The following SLC44A4 variants were observed in gnomAD, a reference collection of about 807,000 sequenced individuals.
SLC44A4 encodes the protein choline transporter-like protein 4.
A neutral mutation model predicts 97.0 loss-of-function variants in SLC44A4; 74 were observed. The ratio of observed to expected loss-of-function variants is 0.76; its 90% CI spans 0.63 to 0.93. SLC44A4 has a LOEUF of 0.93. Among genes scored for constraint, SLC44A4 ranks in the 40% least tolerant of loss-of-function variants. SLC44A4 has a pLI of 0.00. For missense variants in SLC44A4, 799 were observed against 902.9 expected, an observed-to-expected ratio of 0.88 and a Z score of 1.48; for synonymous variants, 325 against 363.8, an observed-to-expected ratio of 0.89 and a Z score of 1.21.
chr6:31,863,658 G>T lies in SLC44A4; in HGVS notation c.2102C>A (p.Ala701Glu), dbSNP rs372080726. Residue 701 changes from alanine to glutamate, a missense_variant, in exon 21 of 21, where the codon GCG becomes GAG. Physicochemically the swap from Ala to Glu is moderately radical, Grantham distance 107 (BLOSUM62 -1). This residue lies in a region of SLC44A4 where 379 missense variants were observed against 438.3 expected (regional missense o/e 0.86). Transcript: ENST00000229729. ...LLKILGKKNEAPPDNKKRKK is the reference protein window; with the variant it reads ...LLKILGKKNEEPPDNKKRKK Reference sequence around the variant, plus strand: ...CTTCCTCTTCTTGTTGTCCGGGGGCGCCTCGTTCTTCTTGCCCAGAATCTT... The same window carrying T: ...CTTCCTCTTCTTGTTGTCCGGGGGCTCCTCGTTCTTCTTGCCCAGAATCTT... The T allele has an allele frequency of 7.4e-6, 12 of 1,611,858 alleles. No individual in the cohort carries two copies. The highest frequency in any genetic ancestry group is 1.3e-5 in the African/African-American group (1 of 74,768).
At chr6:31,875,826 A>G in intron 4 of SLC44A4, 26 bp downstream of exon 4, 1 of 1,584,038 alleles carries the variant, frequency 6.3e-7, no homozygotes, top group Non-Finnish European at 8.6e-7. Context: ...TCGCTCCTGC[A>G]CTCCTCTTCT....
At chr6:31,869,997 AG>A (rs1418004347) in intron 11 of SLC44A4, among the ~76,000 whole-genome samples, 10 of 141,100 alleles carry the variant, frequency 7.1e-5, no homozygotes, top group Non-Finnish European at 1.1e-4. Context: ...AAAAAAAAAA[AG>A]GGGGGGGCTG....
chr6:31,869,702 C>A (rs2151560681), intron 11 of SLC44A4, 65 bp from the exon 12 acceptor site: 1 of 1,371,636 alleles, frequency 7.3e-7, no homozygotes, highest in South Asian at 1.2e-5. Context: ...GGGGCTGACC[C>A]CGGCCGGGCG....
In SLC44A4 at chr6:31,872,884, A is replaced by G. The variant is rs180810845; in HGVS notation, c.530-1323T>C. Among the ~76,000 whole-genome samples, 477 of 135,296 alleles carry G rather than the reference A, an allele frequency of 3.5e-3. 3 individuals are homozygous for G. The highest frequency in any genetic ancestry group is 0.012 in the African/African-American group (425 of 34,894). The allele number at this position is 135,296 out of a possible 152,430, so 88.8% of individuals were successfully genotyped here. On this transcript the variant is annotated intron_variant, in intron 7 of 20. Transcript: ENST00000229729. The stretch of plus-strand genomic sequence containing the variant: ...TCTCATCTTATGCTATAAATTGTCT[A>G]ATTTTTTTTTTTTGAGATGGAGTCT...
rs182997584 is a variant in SLC44A4, at chr6:31,875,999, C to T, written c.163+57G>A. ...AGTGGGGCAGTTATGGGAATGGTCCCTCCCTGGGTTCCTGTCCCTCACCCA... is the reference window on the plus strand; with the variant it reads ...AGTGGGGCAGTTATGGGAATGGTCCTTCCCTGGGTTCCTGTCCCTCACCCA... On this transcript the variant is annotated intron_variant, in intron 3 of 20. Transcript: ENST00000229729. 693 of 1,612,296 alleles carry T rather than the reference C, an allele frequency of 4.3e-4. 5 individuals are homozygous for T. In the East Asian group the frequency reaches 0.014, roughly 34 times the overall value.
Position 31,865,304 on chromosome 6 carries a change from A to C in SLC44A4, c.1760+11T>G. The C allele has an allele frequency of 1.2e-6, 2 of 1,613,084 alleles. No homozygotes were observed. The highest frequency in any genetic ancestry group is 1.7e-6 in the Non-Finnish European group (2 of 1,179,744). On this transcript the variant is annotated intron_variant, in intron 17 of 20. Coordinates refer to ENST00000229729, the MANE Select transcript of SLC44A4 (RefSeq NM_025257.3). This position sits in a 1 kb window ranked among gnomAD's most constrained non-coding sequence, Gnocchi z 5.2. ...GGAGGGAGCCACAAAGCGGGGGGGG[A>C]GCAGCCTAACCTGACAATGTTTCGC...
Position 31,864,873 on chromosome 6 carries a change from C to T in SLC44A4, c.1869G>A (p.Pro623=), listed in dbSNP as rs766153672. Residue 623 remains proline (P), a synonymous_variant, in exon 19 of 21, where the codon CCG becomes CCA. Coordinates refer to ENST00000229729, the MANE Select transcript of SLC44A4 (RefSeq NM_025257.3). ...GGCTCTTAAAGTCTTTACCCAGCCC[C>T]GGGATGCGACCGGAGAAAAAAAAGA... is the stretch of plus-strand genomic sequence containing the variant. ...LSFFFFSGRI[P]GLGKDFKSPH... The T allele has an allele frequency of 8.1e-6, 13 of 1,613,894 alleles. No individual in the cohort carries two copies. The highest frequency in any genetic ancestry group is 2.2e-5 in the South Asian group (2 of 91,074).
intron 9 of SLC44A4, 37 bp downstream of exon 9, chr6:31,871,277 G>C: frequency 6.3e-7 from 1 of 1,585,722 alleles, no homozygotes; most frequent in South Asian, 1.1e-5. Flanking sequence ...GGAGGAAGAA[G>C]GCAAGGACAC....
At chr6:31,872,538 T>C (rs2151565737) in intron 7 of SLC44A4, among the ~76,000 whole-genome samples, 1 of 152,266 alleles carries the variant, frequency 6.6e-6, no homozygotes, top group African/African-American at 2.4e-5. Context: ...ACCTAGCTTA[T>C]TTATTTTTTA....
At chr6:31,867,768 G>A (rs1285308542) in intron 13 of SLC44A4, among the ~76,000 whole-genome samples, 1 of 151,052 alleles carries the variant, frequency 6.6e-6, no homozygotes, top group African/African-American at 2.4e-5. Context: ...CATCATTTTG[G>A]GCTTTGTATA....
At position 31,865,927 on chromosome 6, in the gene SLC44A4, T is replaced by C; in HGVS notation, c.1433A>G (p.Lys478Arg). The C allele has an allele frequency of 6.2e-7, 1 of 1,614,148 alleles. No individual in the cohort carries two copies. Among genetic ancestry groups the C allele is most frequent in the Non-Finnish European group, 8.5e-7 (1 of 1,180,008 alleles). ...GGGGAAGGTAGGGATGTCCTGGGGC[T>C]TGTGGAAGGCCCAGTAGAAGGAGGC... is the stretch of plus-strand genomic sequence containing the variant. ...AFASFYWAFH[K>R]PQDIPTFPLI... is the part of the protein sequence containing the mutation. Residue 478 changes from lysine (K) to arginine (R), a missense_variant, in exon 14 of 21, where the codon AAG becomes AGG. Lys to Arg is a conservative substitution (Grantham distance 26). Transcript: ENST00000229729. The surrounding 1 kb of genome is among the most constrained non-coding windows in gnomAD (Gnocchi z 5.2).
In SLC44A4 at chr6:31,865,998, A is replaced by G. The variant is rs373670000; in HGVS notation, c.1362T>C (p.Leu454=). The G allele has an allele frequency of 1.5e-5, 24 of 1,614,206 alleles. No homozygotes were observed. In the African/African-American group the frequency reaches 3.2e-4, roughly 22 times the overall value. The change falls in exon 14 of 21, where the codon CTT becomes CTC. Residue 454 remains leucine, a synonymous_variant. Coordinates refer to ENST00000229729, the MANE Select transcript of SLC44A4 (RefSeq NM_025257.3). This position sits in a 1 kb window ranked among gnomAD's most constrained non-coding sequence, Gnocchi z 5.2. ...IYGVLGLFWT[L]NWVLALGQCV... ...ATTGGCCCAGGGCCAGTACCCAGTTAAGGGTCCAGAAGAGCCCCAGGACCC... is the reference window on the plus strand; with the variant it reads ...ATTGGCCCAGGGCCAGTACCCAGTTGAGGGTCCAGAAGAGCCCCAGGACCC...
At chr6:31,869,878 C>T (rs551433157) in intron 11 of SLC44A4, among the ~76,000 whole-genome samples, 32 of 151,822 alleles carry the variant, frequency 2.1e-4, no homozygotes, top group Non-Finnish European at 3.1e-4. Flanking sequence ...CCAGCTACTC[C>T]GGAGGCTGAG....
In SLC44A4 at chr6:31,876,216, T is replaced by A; in HGVS notation, c.90-87A>T. ...CTGGAGGGGTTAAGGGTTAGAGAGT[T>A]GGGTGATGCTGCAGCATGGGCATCA... is the stretch of plus-strand genomic sequence containing the variant. On this transcript the variant is annotated intron_variant, in intron 2 of 20. Transcript: ENST00000229729. The surrounding 1 kb of genome is among the most constrained non-coding windows in gnomAD (Gnocchi z 4.8). 1 of 977,684 alleles carries A rather than the reference T, an allele frequency of 1.0e-6. No individual in the cohort carries two copies. The highest frequency in any genetic ancestry group is 2.6e-5 in the Admixed American group (1 of 38,344). The allele number at this position is 977,684 out of a possible 1,614,324, so 60.6% of individuals were successfully genotyped here.
intron 4 of SLC44A4, 113 bp downstream of exon 4, chr6:31,875,739 A>C (rs1763404025): frequency 1.1e-6 from 1 of 936,246 alleles, no homozygotes; most frequent in Non-Finnish European, 1.6e-6. Flanking sequence ...TGGGGACAGC[A>C]GGGAAAGGCT....
At chr6:31,872,022 TACTGTGCCTC>T (rs1330398103) in intron 7 of SLC44A4, among the ~76,000 whole-genome samples, 1 of 152,108 alleles carries the variant, frequency 6.6e-6, no homozygotes, top group East Asian at 1.9e-4. Context: ...CCTTTGCTCT[TACTGTGCCTC>T]TCTCTCAGGG....
At position 31,865,886 on chromosome 6, in the gene SLC44A4, T is replaced by G; in HGVS notation, c.1474A>C (p.Ile492Leu). 6.2e-7 allele frequency: 1 copy of G among 1,614,104 alleles called. No homozygotes were observed. The highest frequency in any genetic ancestry group is 1.7e-5 in the Admixed American group (1 of 60,022). The change falls in exon 14 of 21, where the codon ATC (isoleucine) becomes CTC (leucine). Residue 492 changes from isoleucine to leucine, a missense_variant. By Grantham distance (5) the Ile-to-Leu change is conservative. Transcript: ENST00000229729. The surrounding 1 kb of genome is among the most constrained non-coding windows in gnomAD (Gnocchi z 5.2). ...IPTFPLISAF[I>L]RTLRYHTGSL... is the part of the protein sequence containing the mutation. ...CCCCATCCTTACCGGAGTGTGCGGA[T>G]GAAGGCAGAGATTAAGGGGAAGGTA...
At chr6:31,875,818 G>T in intron 4 of SLC44A4, 34 bp downstream of exon 4, 1 of 1,563,754 alleles carries the variant, frequency 6.4e-7, no homozygotes, top group Non-Finnish European at 8.7e-7. Context: ...ACCTCGCCTC[G>T]CTCCTGCACT....
At position 31,874,248 on chromosome 6, in the gene SLC44A4, G is replaced by T. The variant is rs1404291825; in HGVS notation, c.529+212C>A. On this transcript the variant is annotated intron_variant, in intron 7 of 20. Coordinates refer to ENST00000229729, the MANE Select transcript of SLC44A4 (RefSeq NM_025257.3). This position sits in a 1 kb window ranked among gnomAD's most constrained non-coding sequence, Gnocchi z 4.8. ...GGGAGCAGTTGTTATCCCTGCCTCT[G>T]TCCCCAGCACCTGGCACATAGTAGG... Among the ~76,000 whole-genome samples, 1 of 152,176 alleles carries T rather than the reference G, an allele frequency of 6.6e-6. No individual in the cohort carries two copies. The highest frequency in any genetic ancestry group is 2.4e-5 in the African/African-American group (1 of 41,434).
Sources: gnomAD v4.1 joint callset for allele counts (sites outside exome capture counted in the v4.1 genomes callset) on GRCh38, gnomAD v4.1.1 for gene constraint, gnomAD v4.1.1 regional missense constraint, Gnocchi (gnomAD v3.1) non-coding constraint, MANE v1.5 for transcripts, NCBI Gene and HGNC (gene_info 2026-07-23, HGNC 2026-07-21) for gene names.